Variants in C1orf87 observed in about 807,000 individuals in gnomAD.
C1orf87 encodes the protein uncharacterized protein C1orf87.
In C1orf87, 58 loss-of-function variants were observed where a neutral mutation model predicts 60.5. The ratio of observed to expected loss-of-function variants is 0.96; its 90% CI spans 0.78 to 1.19. C1orf87 has a LOEUF of 1.19. Among genes scored for constraint, C1orf87 ranks in the 50% most tolerant of loss-of-function variants. The pLI, the probability that C1orf87 is intolerant of heterozygous loss-of-function variation, is 0.00. For synonymous variants in C1orf87, 236 were observed against 227.4 expected, an observed-to-expected ratio of 1.04 and a Z score of -0.34; for missense variants, 673 against 638.6, an observed-to-expected ratio of 1.05 and a Z score of -0.58.
At chr1:60,001,279 G>T in intron 9 of C1orf87, 123 bp from the exon 10 acceptor site, 1 of 700,482 alleles carries the variant, frequency 1.4e-6, no homozygotes, top group Non-Finnish European at 2.2e-6. Flanking sequence ...TCTGTGGTTG[G>T]CACTGTGTTA....
At chr1:60,039,834 CTA>C in intron 5 of C1orf87, 81 bp downstream of exon 5, 3 of 1,431,106 alleles carry the variant, frequency 2.1e-6, no homozygotes, top group Non-Finnish European at 2.8e-6. Context: ...AAGAAAGTAG[CTA>C]ACTTCTTAGT....
intron 8 of C1orf87, among the ~76,000 whole-genome samples, chr1:60,021,731 TA>T (rs1358951094): frequency 6.6e-6 from 1 of 152,216 alleles, no homozygotes; most frequent in Non-Finnish European, 1.5e-5. Flanking sequence ...GAGATACAGA[TA>T]ATAGCTATAC....
intron 10 of C1orf87, among the ~76,000 whole-genome samples, chr1:59,999,991 A>G (rs1274375793): frequency 6.6e-6 from 1 of 152,152 alleles, no homozygotes; most frequent in Non-Finnish European, 1.5e-5. Context: ...TCCCCATCAC[A>G]GCACTCCTAC....
chr1:59,992,222 GTCTA>G (rs1352598698), intron 11 of C1orf87, among the ~76,000 whole-genome samples: 157 of 130,028 alleles, frequency 1.2e-3, no homozygotes, highest in African/African-American at 4.7e-3. Flanking sequence ...TCAAGTAGGG[GTCTA>G]TTTATTTATT....
At chr1:60,010,335 A>C in intron 9 of C1orf87, 57 bp downstream of exon 9, 7 of 1,464,568 alleles carry the variant, frequency 4.8e-6, no homozygotes, top group Non-Finnish European at 6.7e-6. Flanking sequence ...CAGCATAGTC[A>C]ACAATAGCTG....
intron 8 of C1orf87, among the ~76,000 whole-genome samples, chr1:60,024,529 T>C (rs1433506604): frequency 6.6e-6 from 1 of 152,188 alleles, no homozygotes. Context: ...AATGGACACA[T>C]TAGCCAGCAC....
At chr1:60,020,987 A>G (rs1397021617) in intron 8 of C1orf87, among the ~76,000 whole-genome samples, 1 of 152,020 alleles carries the variant, frequency 6.6e-6, no homozygotes, top group African/African-American at 2.4e-5. Flanking sequence ...TGTTCTTGTG[A>G]TGGTGAGTGA....
At position 59,997,682 on chromosome 1, in the gene C1orf87, C is replaced by G; in HGVS notation, c.1407G>C (p.Glu469Asp). 1 of 1,613,966 alleles carries G rather than the reference C, an allele frequency of 6.2e-7. No individual in the cohort carries two copies. The change falls in exon 11 of 12, where the codon GAG becomes GAC. Residue 469 changes from glutamate to aspartate, a missense_variant. By Grantham distance (45) the Glu-to-Asp change is conservative. Transcript: ENST00000371201. ...FVNPAVKNKA[E>D]ECETWIDRFR... is the part of the protein sequence containing the mutation. ...ACCTGTCTATCCACGTCTCACATTC[C>G]TCAGCCTTGTTCTTCACAGCTGGAT...
chr1:60,072,553 C>T lies in C1orf87; in HGVS notation c.91G>A (p.Val31Met), dbSNP rs756748027. 1.2e-5 allele frequency: 19 copies of T among 1,610,422 alleles called. No individual in the cohort carries two copies. Among genetic ancestry groups the T allele is most frequent in the South Asian group, 3.3e-5 (3 of 90,716 alleles). The change falls in exon 2 of 12, where the codon GTG becomes ATG. Residue 31 changes from valine to methionine, a missense_variant. Transcript: ENST00000371201. ...IIGSKHFQYL[V>M]EKPKIKENDS... is the part of the protein sequence containing the mutation. ...TGGACTTACATCTTTGGCTTCTCCA[C>T]GAGGTATTGAAAGTGTTTACTTCCA... is the stretch of plus-strand genomic sequence containing the variant.
At chr1:60,034,515 A>T (rs1574312343) in intron 6 of C1orf87, among the ~76,000 whole-genome samples, 2 of 152,270 alleles carry the variant, frequency 1.3e-5, no homozygotes, top group Admixed American at 1.3e-4. Flanking sequence ...TTTCAGTGGT[A>T]TACTGGTAAA....
At chr1:60,037,209 A>C (rs1487030774) in intron 6 of C1orf87, among the ~76,000 whole-genome samples, 1 of 152,198 alleles carries the variant, frequency 6.6e-6, no homozygotes, top group East Asian at 1.9e-4. Context: ...AGTCTATGCC[A>C]TGGACTGACT....
At chr1:60,021,335 T>C (rs771531053) in intron 8 of C1orf87, among the ~76,000 whole-genome samples, 7 of 152,190 alleles carry the variant, frequency 4.6e-5, no homozygotes, top group Non-Finnish European at 1.0e-4. Context: ...GATCACTATG[T>C]AGACATTAAA....
At chr1:60,036,552 C>T (rs1055519440) in intron 6 of C1orf87, among the ~76,000 whole-genome samples, 1 of 152,114 alleles carries the variant, frequency 6.6e-6, no homozygotes, top group Non-Finnish European at 1.5e-5. Flanking sequence ...TTTATTAACT[C>T]AGTTACTATT....
chr1:60,059,084 A>T (rs1402925005), intron 2 of C1orf87, among the ~76,000 whole-genome samples: 8 of 151,512 alleles, frequency 5.3e-5, no homozygotes, highest in South Asian at 4.2e-4. Context: ...AGCTGTATTT[A>T]AAAAAAAATA....
At chr1:60,038,728 A>T (rs913803605) in intron 5 of C1orf87, among the ~76,000 whole-genome samples, 5 of 152,212 alleles carry the variant, frequency 3.3e-5, no homozygotes, top group African/African-American at 4.8e-5. Flanking sequence ...GAGCAGATAT[A>T]TTCAGATAAT....
intron 5 of C1orf87, 137 bp from the exon 6 acceptor site, chr1:60,038,244 A>G: frequency 2.0e-6 from 1 of 502,700 alleles, no homozygotes; most frequent in South Asian, 3.6e-5. Context: ...TATCATAATT[A>G]TTGGTGCTTT....
intron 10 of C1orf87, among the ~76,000 whole-genome samples, chr1:59,998,765 G>C (rs968593045): frequency 6.6e-6 from 1 of 152,134 alleles, no homozygotes; most frequent in Non-Finnish European, 1.5e-5. Flanking sequence ...TCCATTTTGT[G>C]TACTGCAAAT....
At chr1:60,025,357 G>T in intron 8 of C1orf87, 44 bp downstream of exon 8, 1 of 1,424,054 alleles carries the variant, frequency 7.0e-7, no homozygotes, top group Non-Finnish European at 9.9e-7. Flanking sequence ...TTGGGGAAGG[G>T]GTGGTGGATA....
At chr1:60,029,669 C>CTTG (rs1230352933) in intron 7 of C1orf87, among the ~76,000 whole-genome samples, 1 of 108,802 alleles carries the variant, frequency 9.2e-6, no homozygotes, top group Non-Finnish European at 1.7e-5. Context: ...TAGATGGAGT[C>CTTG]TTGCTCTGTC....
Sources: gnomAD v4.1 joint callset for allele counts (sites outside exome capture counted in the v4.1 genomes callset) on GRCh38, gnomAD v4.1.1 for gene constraint, MANE v1.5 for transcripts, NCBI Gene and HGNC (gene_info 2026-07-23, HGNC 2026-07-21) for gene names.